The following PARD3B variants were observed in gnomAD, a reference collection of about 807,000 sequenced individuals.
The protein encoded by PARD3B is partitioning defective 3 homolog B.
In PARD3B, 103 loss-of-function variants were observed where a neutral mutation model predicts 130.2. The ratio of observed to expected loss-of-function variants is 0.79; its 90% CI spans 0.67 to 0.93. The LOEUF (loss-of-function observed/expected upper bound fraction) is 0.93, where lower values mean the gene tolerates loss of function less well. Among genes scored for constraint, PARD3B ranks in the 40% least tolerant of loss-of-function variants. The probability of loss-of-function intolerance (pLI) is 0.00; values close to 1 mark genes in which losing one functional copy is unlikely to be tolerated. For missense variants in PARD3B, 1,609 were observed against 1,499.2 expected, an observed-to-expected ratio of 1.07 and a Z score of -1.21; for synonymous variants, 583 against 553.2, an observed-to-expected ratio of 1.05 and a Z score of -0.76.
chr2:204,735,390 T>C (rs1216165988), intron 2 of PARD3B, among the ~76,000 whole-genome samples: 2 of 152,114 alleles, frequency 1.3e-5, no homozygotes, highest in Admixed American at 1.3e-4. Context: ...TAAACCAAAC[T>C]AAAACCCTAA....
At chr2:205,003,510 G>T (rs1695017187) in intron 3 of PARD3B, among the ~76,000 whole-genome samples, 1 of 152,084 alleles carries the variant, frequency 6.6e-6, no homozygotes, top group Admixed American at 6.5e-5. Context: ...GAGACCCATG[G>T]AGCTAATTAT....
At position 205,274,522 on chromosome 2, in the gene PARD3B, AAT is replaced by A. The variant is rs2105810743; in HGVS notation, c.2186-26007_2186-26006del. Among the ~76,000 whole-genome samples the A allele has an allele frequency of 9.5e-6, 1 of 105,556 alleles. No individual in the cohort carries two copies. The highest frequency in any genetic ancestry group is 2.5e-4 in the East Asian group (1 of 4,046). The allele number at this position is 105,556 out of a possible 152,430, so 69.2% of individuals were successfully genotyped here. A position where few individuals can be genotyped will look rare whatever the true frequency, so the allele number is the denominator to read the frequency against. The stretch of plus-strand genomic sequence containing the variant: ...TAATTATTAAATATGAATAGTATTA[AAT>A]GTGTGGTACATTGCTTTTTTTAATA... On this transcript the variant is annotated intron_variant, in intron 16 of 22. Transcript: ENST00000406610. The surrounding 1 kb of genome is among the most constrained non-coding windows in gnomAD (Gnocchi z 4.2).
chr2:205,097,026 G>T (rs1344259832), intron 4 of PARD3B, among the ~76,000 whole-genome samples: 1 of 152,052 alleles, frequency 6.6e-6, no homozygotes, highest in African/African-American at 2.4e-5. Flanking sequence ...GGAAACGGGG[G>T]TCCCAAGAAA....
At chr2:205,222,172 T>C (rs1308748969) in intron 15 of PARD3B, among the ~76,000 whole-genome samples, 1 of 91,620 alleles carries the variant, frequency 1.1e-5, no homozygotes, top group African/African-American at 5.1e-5. Context: ...TATTAGACCT[T>C]CCAATATAAA....
At chr2:205,541,347 G>GTTTT (rs34760169) in intron 21 of PARD3B, among the ~76,000 whole-genome samples, 2 of 122,198 alleles carry the variant, frequency 1.6e-5, no homozygotes, top group African/African-American at 6.0e-5. Context: ...CAGAAACTTT[G>GTTTT]TTTTTTTTTT....
chr2:205,168,320 A>AGAGAGAGAGAGAGAGAGAGAGAGAGTGT (rs371904121), intron 11 of PARD3B, among the ~76,000 whole-genome samples: 42 of 119,752 alleles, frequency 3.5e-4, no homozygotes, highest in African/African-American at 1.1e-3. Flanking sequence ...AGAGAGAGAG[A>AGAGAGAGAGAGAGAGAGAGAGAGAGTGT]GTGTGTGTGT....
chr2:205,406,316 G>A lies in PARD3B; in HGVS notation c.2741+5193G>A, dbSNP rs1037316410. Among the ~76,000 whole-genome samples the A allele has an allele frequency of 3.9e-5, 6 of 152,168 alleles. No homozygotes were observed. In the South Asian group the frequency reaches 1.0e-3, roughly 26 times the overall value. ...CTTATTTATGTATTTGTCTCTTGAA[G>A]ATACTAATGGAGCATTATTTTAAGA... On this transcript the variant is annotated intron_variant, in intron 19 of 22. Coordinates refer to ENST00000406610, the MANE Select transcript of PARD3B (RefSeq NM_001302769.2).
At chr2:205,604,309 A>T (rs1251456704) in intron 22 of PARD3B, among the ~76,000 whole-genome samples, 1 of 152,198 alleles carries the variant, frequency 6.6e-6, no homozygotes, top group Non-Finnish European at 1.5e-5. Flanking sequence ...GAAGCCTCAC[A>T]ATCGTGGTGG....
intron 16 of PARD3B, among the ~76,000 whole-genome samples, chr2:205,259,261 G>A (rs1430937439): frequency 4.6e-5 from 7 of 152,068 alleles, no homozygotes; most frequent in Admixed American, 4.6e-4. Flanking sequence ...TTCTTCTGAA[G>A]TATGCCTTCC....
chr2:205,143,076 T>A (rs1305529368), intron 10 of PARD3B, among the ~76,000 whole-genome samples: 1 of 152,170 alleles, frequency 6.6e-6, no homozygotes, highest in Non-Finnish European at 1.5e-5. Context: ...TAAAGCATAT[T>A]TTGAAATATT....
At chr2:205,512,891 T>G (rs2106374781) in intron 21 of PARD3B, among the ~76,000 whole-genome samples, 1 of 152,254 alleles carries the variant, frequency 6.6e-6, no homozygotes, top group Middle Eastern at 3.4e-3. Flanking sequence ...TTTTTCTCTT[T>G]TGTTTTCCCA....
chr2:204,772,359 C>T (rs945144329), intron 2 of PARD3B, among the ~76,000 whole-genome samples: 1 of 151,952 alleles, frequency 6.6e-6, no homozygotes. Context: ...TTGCTTAGTC[C>T]TAGCAGAGAA....
At chr2:204,662,071 T>C (rs2035832130) in intron 1 of PARD3B, among the ~76,000 whole-genome samples, 1 of 152,252 alleles carries the variant, frequency 6.6e-6, no homozygotes. Flanking sequence ...CTTTCTGTAC[T>C]GTAAAATACA....
At position 205,615,646 on chromosome 2, in the gene PARD3B, C is replaced by T; in HGVS notation, c.3451C>T (p.His1151Tyr). Residue 1151 changes from histidine to tyrosine, a missense_variant, in exon 23 of 23, where the codon CAC (histidine) becomes TAC (tyrosine). By Grantham distance (83) the His-to-Tyr change is moderately conservative. Coordinates refer to ENST00000406610, the MANE Select transcript of PARD3B (RefSeq NM_001302769.2). ...QHYPPPPAPQ[H>Y]KGPFRQDVPP... is the part of the protein sequence containing the mutation. ...CTACCCACCCCCGCCAGCTCCCCAG[C>T]ACAAAGGACCCTTTCGACAAGACGT... 1.2e-6 allele frequency: 2 copies of T among 1,614,092 alleles called. No individual in the cohort carries two copies. The highest frequency in any genetic ancestry group is 1.3e-5 in the African/African-American group (1 of 75,002).
chr2:204,878,867 T>G (rs1431697379), intron 2 of PARD3B, among the ~76,000 whole-genome samples: 1 of 152,096 alleles, frequency 6.6e-6, no homozygotes, highest in Non-Finnish European at 1.5e-5. Flanking sequence ...AAATTGTAAA[T>G]TATAGGAATG....
At chr2:205,177,261 A>T (rs1363820001) in intron 13 of PARD3B, among the ~76,000 whole-genome samples, 1 of 152,162 alleles carries the variant, frequency 6.6e-6, no homozygotes, top group Non-Finnish European at 1.5e-5. Flanking sequence ...ATACATATTC[A>T]TTGCAGAAAA....
intron 15 of PARD3B, among the ~76,000 whole-genome samples, chr2:205,213,591 A>G (rs147442898): frequency 9.2e-5 from 14 of 152,310 alleles, no homozygotes; most frequent in Admixed American, 5.2e-4. Context: ...AAAAGATTGA[A>G]TAAATAAAAG....
intron 20 of PARD3B, among the ~76,000 whole-genome samples, chr2:205,474,579 G>T (rs574196725): frequency 6.6e-6 from 1 of 152,198 alleles, no homozygotes; most frequent in South Asian, 2.1e-4. Flanking sequence ...CATTTGGGAT[G>T]TTTCAGAGTT....
At chr2:205,143,894 T>C (rs890292792) in intron 10 of PARD3B, among the ~76,000 whole-genome samples, 3 of 152,114 alleles carry the variant, frequency 2.0e-5, no homozygotes, top group African/African-American at 7.2e-5. Context: ...AAGGGAAAGA[T>C]GTGATTCAGA....
Sources: gnomAD v4.1 joint callset for allele counts (sites outside exome capture counted in the v4.1 genomes callset) on GRCh38, gnomAD v4.1.1 for gene constraint, Gnocchi (gnomAD v3.1) non-coding constraint, MANE v1.5 for transcripts, NCBI Gene and HGNC (gene_info 2026-07-23, HGNC 2026-07-21) for gene names.